The following MAPK6 variants were observed in gnomAD, a reference collection of about 807,000 sequenced individuals.
MAPK6 encodes mitogen-activated protein kinase 6.
In MAPK6, 19 loss-of-function variants were observed where a neutral mutation model predicts 59.3. The ratio of observed to expected loss-of-function variants is 0.32; its 90% CI spans 0.22 to 0.47. MAPK6 has a LOEUF of 0.47. Among genes scored for constraint, MAPK6 ranks in the 20% least tolerant of loss-of-function variants. The pLI is 1.00. For synonymous variants in MAPK6, 316 were observed against 290.3 expected (o/e 1.09, Z -0.90); for missense variants, 724 against 847.9 (o/e 0.85, Z 1.81).
At chr15:52,010,177 C>T (rs1469655706) in intron 3 of MAPK6, among the ~76,000 whole-genome samples, 2 of 152,114 alleles carry the variant, frequency 1.3e-5, no homozygotes, top group African/African-American at 2.4e-5. Context: ...TTGGTAGGAA[C>T]TTGATAAATG....
chr15:52,054,745 CACACAT>C (rs1555399920), intron 3 of MAPK6, among the ~76,000 whole-genome samples: 2 of 141,898 alleles, frequency 1.4e-5, no homozygotes, highest in African/African-American at 5.7e-5. Flanking sequence ...CACACACACA[CACACAT>C]ATACACATAC....
chr15:52,054,986 G>A (rs1480822677), intron 3 of MAPK6, among the ~76,000 whole-genome samples: 1 of 152,130 alleles, frequency 6.6e-6, no homozygotes, highest in Non-Finnish European at 1.5e-5. Context: ...CACCCTTTTG[G>A]CCAGGCCGGT....
intron 3 of MAPK6, among the ~76,000 whole-genome samples, chr15:52,055,238 TC>T (rs1385489383): frequency 6.6e-6 from 1 of 152,086 alleles, no homozygotes; most frequent in Admixed American, 6.6e-5. Context: ...TGAGACCCTG[TC>T]TCGACAAAAA....
chr15:52,015,921 G>A (rs2030225074), upstream of MAPK6, among the ~76,000 whole-genome samples: 3 of 3,806 alleles, frequency 7.9e-4, no homozygotes, highest in Non-Finnish European at 0.059. Flanking sequence ...AGTTGGGCGT[G>A]GTGGCGCGCC....
chr15:52,001,135 A>G (rs1039817454), intron 2 of MAPK6, among the ~76,000 whole-genome samples: 1 of 152,100 alleles, frequency 6.6e-6, no homozygotes, highest in East Asian at 1.9e-4. Context: ...CTTATGAAAA[A>G]CATTTCATGC....
chr15:52,034,672 A>T, intron 1 of MAPK6, among the ~76,000 whole-genome samples: 1 of 149,862 alleles, frequency 6.7e-6, no homozygotes, highest in African/African-American at 2.5e-5. Flanking sequence ...CAACAATTTC[A>T]CTCTGTGCGT....
chr15:52,042,044 G>A (rs981617610), intron 1 of MAPK6, among the ~76,000 whole-genome samples: 4 of 152,156 alleles, frequency 2.6e-5, no homozygotes, highest in Non-Finnish European at 4.4e-5. Flanking sequence ...ATAATGGAAC[G>A]TGACTGAATT....
chr15:52,063,072 G>GTTCTT (rs1171959796), intron 5 of MAPK6, among the ~76,000 whole-genome samples: 7 of 152,038 alleles, frequency 4.6e-5, no homozygotes, highest in Non-Finnish European at 8.8e-5. Flanking sequence ...CTAAATAATG[G>GTTCTT]TTCTTTTCTT....
intron 1 of MAPK6, among the ~76,000 whole-genome samples, chr15:52,038,400 A>G (rs1169190591): frequency 6.6e-6 from 1 of 152,216 alleles, no homozygotes; most frequent in Admixed American, 6.5e-5. Flanking sequence ...TTTAGTCAGT[A>G]AAATGTGAGA....
intron 1 of MAPK6, among the ~76,000 whole-genome samples, chr15:52,032,259 C>T (rs1180122745): frequency 1.4e-5 from 2 of 145,104 alleles, no homozygotes; most frequent in South Asian, 2.2e-4. Context: ...GGTGCAATCT[C>T]GGCTCACTGC....
chr15:52,043,577 G>A (rs1481071195), intron 1 of MAPK6, among the ~76,000 whole-genome samples: 3 of 151,798 alleles, frequency 2.0e-5, no homozygotes, highest in Admixed American at 1.3e-4. Flanking sequence ...GATTACAGGC[G>A]TGAGCCACCG....
At chr15:52,023,119 AAAAAAAAAAC>A (rs1300361556) in intron 1 of MAPK6, among the ~76,000 whole-genome samples, 2 of 151,280 alleles carry the variant, frequency 1.3e-5, no homozygotes, top group Non-Finnish European at 3.0e-5. Flanking sequence ...AAAAAAAAAA[AAAAAAAAAAC>A]CGAAAAACAA....
intron 1 of MAPK6, among the ~76,000 whole-genome samples, chr15:52,023,106 CAAAA>C (rs60315520): frequency 1.4e-5 from 1 of 73,650 alleles, no homozygotes; most frequent in Non-Finnish European, 2.4e-5. Context: ...GACTCCGTCT[CAAAA>C]AAAAAAAAAA....
rs146871865 is a variant in MAPK6 at position 51,980,830 on chromosome 15, G to T, written c.-879-2376G>T. Among the ~76,000 whole-genome samples the T allele has an allele frequency of 1.5e-3, 230 of 151,428 alleles. 2 individuals carry two copies. The highest frequency in any genetic ancestry group is 3.4e-3 in the Middle Eastern group (1 of 292). On this transcript the variant is annotated intron_variant, in intron 1 of 7. Coordinates refer to the MAPK6 transcript ENST00000691380. ...TAGCCTTGAACTCCTGACCTCAGGT[G>T]GTCCGCCCACCTCAGCCTCCCAGAG...
At chr15:52,032,974 C>G (rs528464083) in intron 1 of MAPK6, among the ~76,000 whole-genome samples, 1 of 152,016 alleles carries the variant, frequency 6.6e-6, no homozygotes, top group East Asian at 1.9e-4. Context: ...CGTGAGCCAC[C>G]GCGCCCGGCC....
At chr15:52,010,798 C>T (rs1466547046) in intron 3 of MAPK6, among the ~76,000 whole-genome samples, 2 of 152,172 alleles carry the variant, frequency 1.3e-5, no homozygotes, top group South Asian at 2.1e-4. Flanking sequence ...GGATTATGGG[C>T]GTGAGCCACC....
At position 51,992,305 on chromosome 15, in the gene MAPK6, A is replaced by ATTTTTTT. The variant is rs61396800; in HGVS notation, c.-770+8998_-770+9004dup. Reference sequence around the variant, plus strand: ...TATCTATCTATCTATATATATATATATTTTTTTTTTTTTTGAGACAGAGTC... The same window carrying ATTTTTTT: ...TATCTATCTATCTATATATATATATATTTTTTTTTTTTTTTTTTTTTGAGACAGAGTC... On this transcript the variant is annotated intron_variant, in intron 2 of 7. Coordinates refer to the MAPK6 transcript ENST00000691380. Among the ~76,000 whole-genome samples the ATTTTTTT allele has an allele frequency of 4.1e-4, 42 of 101,422 alleles. 2 individuals carry two copies. The highest frequency in any genetic ancestry group is 6.0e-4 in the Non-Finnish European group (30 of 50,320). The allele number at this position is 101,422 out of a possible 152,430, so 66.5% of individuals were successfully genotyped here.
At position 51,984,447 on chromosome 15, in the gene MAPK6, A is replaced by ATTTTTTTTT. The variant is rs71130112; in HGVS notation, c.-770+1153_-770+1161dup. On this transcript the variant is annotated intron_variant, in intron 2 of 7. Coordinates refer to the MAPK6 transcript ENST00000691380. ...CAGGCGCCTGCCAACACGCCGGCTA[A>ATTTTTTTTT]TTTTTTTTTTTTTTTTTTTTTTTTT... 9.5e-3 allele frequency among the ~76,000 whole-genome samples: 663 copies of ATTTTTTTTT among 69,934 alleles called. 33 individuals carry two copies. Among genetic ancestry groups the ATTTTTTTTT allele is most frequent in the African/African-American group, 0.029 (431 of 15,050 alleles). 45.9% of individuals were successfully genotyped at this position (69,934 alleles called of 152,430 possible). A position where few individuals can be genotyped will look rare whatever the true frequency, so the allele number is the denominator to read the frequency against.
At chr15:52,031,607 G>A (rs1235509383) in intron 1 of MAPK6, among the ~76,000 whole-genome samples, 1 of 152,118 alleles carries the variant, frequency 6.6e-6, no homozygotes, top group Non-Finnish European at 1.5e-5. Flanking sequence ...AAGGTGGGAG[G>A]ATCGCTGGAG....
Sources: gnomAD v4.1 joint callset for allele counts (sites outside exome capture counted in the v4.1 genomes callset) on GRCh38, gnomAD v4.1.1 for gene constraint, MANE v1.5 for transcripts, NCBI Gene and HGNC (gene_info 2026-07-23, HGNC 2026-07-21) for gene names.